AMACR: variants seen among roughly 807,000 people sequenced by gnomAD.
AMACR encodes alpha-methylacyl-CoA racemase.
AMACR carries 18 observed loss-of-function variants against 22.2 expected under a neutral mutation model. The observed-to-expected ratio is 0.81, with a 90% CI of 0.56 to 1.20. The LOEUF (loss-of-function observed/expected upper bound fraction) is 1.20. Ranked by LOEUF, AMACR falls within the 50% of genes most tolerant of loss-of-function variation. The pLI is 0.00. For missense variants in AMACR, 499 were observed against 490.6 expected, an observed-to-expected ratio of 1.02 and a Z score of -0.16; for synonymous variants, 213 against 191.3, an observed-to-expected ratio of 1.11 and a Z score of -0.94.
At chr5:34,004,126 A>G (rs1473161786) in intron 3 of AMACR, among the ~76,000 whole-genome samples, 1 of 152,240 alleles carries the variant, frequency 6.6e-6, no homozygotes, top group East Asian at 1.9e-4. Flanking sequence ...GAAGGTTTAG[A>G]CAGGGAGGTC....
chr5:33,993,701 C>G (rs1201674746), intron 4 of AMACR, among the ~76,000 whole-genome samples: 2 of 152,132 alleles, frequency 1.3e-5, no homozygotes, highest in African/African-American at 4.8e-5. Flanking sequence ...GAGTTCGAGA[C>G]CAGCCTGGTC....
intron 4 of AMACR, among the ~76,000 whole-genome samples, chr5:33,990,687 T>G (rs1753446578): frequency 1.3e-5 from 2 of 152,244 alleles, no homozygotes; most frequent in Non-Finnish European, 2.9e-5. Flanking sequence ...AATCCTCACT[T>G]ATAGAATACC....
intron 4 of AMACR, among the ~76,000 whole-genome samples, chr5:33,991,722 CTATTT>C (rs1352591788): frequency 3.6e-5 from 3 of 83,852 alleles, no homozygotes; most frequent in Non-Finnish European, 7.3e-5. Flanking sequence ...ATTGTAAACA[CTATTT>C]TATTATTATT....
In AMACR at chr5:33,988,082, C is replaced by T. The variant is rs778459600; in HGVS notation, c.*1011G>A. ...TGGACCTTATTGATGGCCTACCCAA[C>T]ATCCATTCTCTACTCCCTCTACTCT... is the stretch of plus-strand genomic sequence containing the variant. On this transcript the variant is annotated 3_prime_UTR_variant, in exon 5 of 5. Coordinates refer to ENST00000335606, the MANE Select transcript of AMACR (RefSeq NM_014324.6). The T allele has an allele frequency of 4.0e-5, 17 of 427,510 alleles. No homozygotes were observed. Among genetic ancestry groups the T allele is most frequent in the Non-Finnish European group, 7.1e-5 (17 of 239,216 alleles). The allele number at this position is 427,510 out of a possible 1,614,324, so 26.5% of individuals were successfully genotyped here. A position where few individuals can be genotyped will look rare whatever the true frequency, so the allele number is the denominator to read the frequency against.
intron 1 of AMACR, 42 bp from the exon 2 acceptor site, chr5:34,005,941 G>T: frequency 6.2e-7 from 1 of 1,608,190 alleles, no homozygotes; most frequent in Non-Finnish European, 8.5e-7. Flanking sequence ...AGTATGAATT[G>T]AGGATGGAGA....
chr5:33,995,409 C>T (rs548106141), intron 4 of AMACR, among the ~76,000 whole-genome samples: 3 of 152,222 alleles, frequency 2.0e-5, no homozygotes, highest in East Asian at 1.9e-4. Context: ...TTGCTAAAAT[C>T]GACTGTTAAG....
chr5:33,992,613 A>C (rs1020265780), intron 4 of AMACR, among the ~76,000 whole-genome samples: 1 of 152,026 alleles, frequency 6.6e-6, no homozygotes, highest in Admixed American at 6.6e-5. Context: ...GAGAGGCTGA[A>C]GCAGGAGGAT....
intron 4 of AMACR, chr5:33,994,184 A>C: frequency 2.5e-6 from 1 of 399,650 alleles, no homozygotes; most frequent in South Asian, 1.8e-5. Context: ...TATTACTATT[A>C]TTGTTGTTGT....
intron 3 of AMACR, among the ~76,000 whole-genome samples, chr5:34,000,788 C>CT (rs1365302573): frequency 2.6e-5 from 4 of 152,212 alleles, no homozygotes; most frequent in Non-Finnish European, 5.9e-5. Context: ...CCCATAAACT[C>CT]TAACTTCCAG....
At chr5:33,992,178 C>T (rs1270353325) in intron 4 of AMACR, among the ~76,000 whole-genome samples, 1 of 151,852 alleles carries the variant, frequency 6.6e-6, no homozygotes, top group East Asian at 1.9e-4. Flanking sequence ...CACACCCGGC[C>T]ATAAAAATTA....
chr5:33,989,480 T>C lies in AMACR; in HGVS notation c.762A>G (p.Glu254=). The change falls in exon 5 of 5, where the codon GAA becomes GAG. Residue 254 remains glutamate (E), a synonymous_variant. Transcript: ENST00000335606. ...LIKGLGLKSD[E]LPNQMSMDDW... is the part of the protein sequence containing the mutation. ...CATCCATGCTCATCTGATTGGGAAG[T>C]TCATCAGACTTTAGTCCAAGTCCTG... 6.2e-7 allele frequency: 1 copy of C among 1,614,168 alleles called. No homozygotes were observed. Among genetic ancestry groups the C allele is most frequent in the Non-Finnish European group, 8.5e-7 (1 of 1,180,010 alleles).
Position 33,989,307 on chromosome 5 carries a change from C to T in AMACR, c.935G>A (p.Arg312Gln), listed in dbSNP as rs776723461. Residue 312 changes from arginine (R) to glutamine (Q), a missense_variant, in exon 5 of 5, where the codon CGG becomes CAG. Coordinates refer to ENST00000335606, the MANE Select transcript of AMACR (RefSeq NM_014324.6). The part of the protein sequence containing the change: ...EVVHHDHNKE[R>Q]GSFITSEEQD... ...CTCCTCACTGGTGATAAACGAGCCC[C>T]GTTCCTTGTTGTGATCATGATGAAC... The T allele has an allele frequency of 3.7e-6, 6 of 1,614,144 alleles. No individual in the cohort carries two copies. Among genetic ancestry groups the T allele is most frequent in the South Asian group, 3.3e-5 (3 of 91,082 alleles).
At chr5:33,998,948 T>G in intron 3 of AMACR, 121 bp from the exon 4 acceptor site, 3 of 845,182 alleles carry the variant, frequency 3.5e-6, no homozygotes, top group Non-Finnish European at 5.7e-6. Flanking sequence ...TATACGAAGA[T>G]TCTACCTAAT....
Position 33,998,746 on chromosome 5 carries a change from T to G in AMACR, c.634A>C (p.Met212Leu). The change falls in exon 4 of 5, where the codon ATG becomes CTG. Residue 212 changes from methionine (M) to leucine (L), a missense_variant. By Grantham distance (15) the Met-to-Leu change is conservative. Transcript: ENST00000335606. ...TAGAAAGGTGCTCCACCATCCAACA[T>G]GTTCTGTCCTCGAGGTGCTTCCCAC... ...SLWEAPRGQN[M>L]LDGGAPFYTT... is the part of the protein sequence containing the mutation. The G allele has an allele frequency of 6.2e-7, 1 of 1,614,146 alleles. No individual in the cohort carries two copies. Among genetic ancestry groups the G allele is most frequent in the Non-Finnish European group, 8.5e-7 (1 of 1,180,010 alleles).
intron 2 of AMACR, 114 bp downstream of exon 2, chr5:34,005,638 CTTGA>C (rs1753948934): frequency 7.7e-7 from 1 of 1,293,628 alleles, no homozygotes; most frequent in Admixed American, 2.1e-5. Flanking sequence ...CCCATGCTCT[CTTGA>C]TTGATTCTGA....
At chr5:34,004,058 T>C (rs1389553116) in intron 3 of AMACR, among the ~76,000 whole-genome samples, 1 of 152,168 alleles carries the variant, frequency 6.6e-6, no homozygotes, top group Non-Finnish European at 1.5e-5. Flanking sequence ...ACTCAGTGGA[T>C]GACAGTGAAC....
At chr5:33,997,631 A>C (rs1377477907) in intron 4 of AMACR, 2 of 705,932 alleles carry the variant, frequency 2.8e-6, no homozygotes, top group African/African-American at 3.5e-5. Context: ...GAGCAGCCAG[A>C]GCTTCCAATT....
intron 4 of AMACR, chr5:33,997,087 A>G: frequency 4.0e-6 from 3 of 754,976 alleles, no homozygotes; most frequent in East Asian, 4.9e-5. Context: ...CCATTCATCA[A>G]ACTGCTCTGC....
chr5:34,004,501 A>G, intron 3 of AMACR, 73 bp downstream of exon 3: 1 of 1,595,156 alleles, frequency 6.3e-7, no homozygotes, highest in Non-Finnish European at 8.6e-7. Flanking sequence ...TTCTTCTTCA[A>G]AAAAAGGATT....
Sources: gnomAD v4.1 joint callset for allele counts (sites outside exome capture counted in the v4.1 genomes callset) on GRCh38, gnomAD v4.1.1 for gene constraint, MANE v1.5 for transcripts, NCBI Gene and HGNC (gene_info 2026-07-23, HGNC 2026-07-21) for gene names.